ABI3BP: variants seen among roughly 807,000 people sequenced by gnomAD.
ABI3BP encodes ABI family member 3 binding protein.
In ABI3BP, 216 loss-of-function variants were observed where a neutral mutation model predicts 268.6. The ratio of observed to expected loss-of-function variants is 0.80; its 90% confidence interval spans 0.72 to 0.90. ABI3BP has a LOEUF of 0.90. ABI3BP is among the 40% of genes least tolerant of loss of function. ABI3BP has a pLI of 0.00. For missense variants in ABI3BP, 2,090 were observed against 2,182.4 expected (o/e 0.96, Z 0.84); for synonymous variants, 730 against 730.0 (o/e 1.00, Z 0.00).
intron 1 of ABI3BP, among the ~76,000 whole-genome samples, chr3:100,981,989 G>A (rs1576334584): frequency 6.6e-6 from 1 of 152,186 alleles, no homozygotes; most frequent in Non-Finnish European, 1.5e-5. Flanking sequence ...AAGGAAAGAG[G>A]TTTAATTGAC....
At chr3:100,865,204 C>CT (rs2099037962) in intron 10 of ABI3BP, among the ~76,000 whole-genome samples, 1 of 152,064 alleles carries the variant, frequency 6.6e-6, no homozygotes, top group South Asian at 2.1e-4. Flanking sequence ...ATCACCAGGG[C>CT]TTAGCACAAT....
At chr3:100,966,684 A>G (rs2081417265) in intron 1 of ABI3BP, among the ~76,000 whole-genome samples, 1 of 152,258 alleles carries the variant, frequency 6.6e-6, no homozygotes, top group Non-Finnish European at 1.5e-5. Flanking sequence ...AATTTAAAAC[A>G]TGTAAAGATT....
chr3:100,775,452 C>T, intron 59 of ABI3BP, 117 bp from the exon 60 acceptor site: 3 of 1,363,136 alleles, frequency 2.2e-6, no homozygotes, highest in Non-Finnish European at 3.0e-6. Flanking sequence ...GCACTATAGA[C>T]CAGGCTTGGA....
chr3:100,821,812 A>T (rs2152675532), intron 38 of ABI3BP, among the ~76,000 whole-genome samples: 1 of 152,044 alleles, frequency 6.6e-6, no homozygotes, highest in Admixed American at 6.6e-5. Context: ...CATCTTGGCC[A>T]GGCTGGTCTT....
chr3:100,950,893 G>A (rs1165782603), intron 1 of ABI3BP, among the ~76,000 whole-genome samples: 4 of 151,688 alleles, frequency 2.6e-5, no homozygotes, highest in Non-Finnish European at 4.4e-5. Context: ...GTTTTATGGG[G>A]CTGAGGCCAC....
chr3:100,824,882 G>A lies in ABI3BP; in HGVS notation c.2722C>T (p.Pro908Ser), dbSNP rs1245811680. 3.3e-6 allele frequency: 5 copies of A among 1,535,996 alleles called. No homozygotes were observed. The highest frequency in any genetic ancestry group is 1.2e-5 in the South Asian group (1 of 84,036). The stretch of plus-strand genomic sequence containing the variant: ...CCAGGTTTGGTCTCAGGTGCCTGAG[G>A]GCTCGGTGTAGTTTTAGGTCTGGGA... The part of the protein sequence containing the change: ...PRPRPKTTPS[P>S]QAPETKPVPA... The change falls in exon 36 of 68, where the codon CCT (proline) becomes TCT (serine). Residue 908 changes from proline (P) to serine (S), a missense_variant. By Grantham distance (74) the Pro-to-Ser change is moderately conservative (BLOSUM62 -1). Coordinates refer to ENST00000471714, the MANE Select transcript of ABI3BP (RefSeq NM_001375547.2).
chr3:100,937,865 T>C (rs901040049), intron 1 of ABI3BP, among the ~76,000 whole-genome samples: 1 of 152,076 alleles, frequency 6.6e-6, no homozygotes. Flanking sequence ...AGTTTATGTA[T>C]TAAGCAGGGC....
chr3:100,787,741 A>T lies in ABI3BP; in HGVS notation c.4149T>A (p.Asn1383Lys). The part of the protein sequence containing the change: ...RPKPSGMPSG[N>K]GVGTGVKQAP... ...TGTGATTATTACCTGTTCCCACTCCATTCCCACTGGGCATCCCACTGGGTT... is the reference window on the plus strand; with the variant it reads ...TGTGATTATTACCTGTTCCCACTCCTTTCCCACTGGGCATCCCACTGGGTT... The change falls in exon 57 of 68, where the codon AAT becomes AAA. Residue 1383 changes from asparagine (N) to lysine (K), a missense_variant. By Grantham distance (94) the Asn-to-Lys change is moderately conservative (BLOSUM62 0). Transcript: ENST00000471714. 2.6e-6 allele frequency: 4 copies of T among 1,532,210 alleles called. No homozygotes were observed. Among genetic ancestry groups the T allele is most frequent in the Admixed American group, 2.0e-5 (1 of 50,416 alleles). The allele number at this position is 1,532,210 out of a possible 1,614,324, so 94.9% of individuals were successfully genotyped here.
At chr3:100,813,850 G>A (rs559378850) in intron 44 of ABI3BP, 115 bp from the exon 45 acceptor site, 15 of 878,358 alleles carry the variant, frequency 1.7e-5, no homozygotes, top group Admixed American at 4.2e-5. Flanking sequence ...TGAGGTTATG[G>A]AGAGCCATAC....
chr3:100,928,833 C>A (rs190957421), intron 1 of ABI3BP, among the ~76,000 whole-genome samples: 2 of 152,176 alleles, frequency 1.3e-5, no homozygotes, highest in East Asian at 1.9e-4. Flanking sequence ...TCACTGAGAA[C>A]TTTGTAACTA....
intron 1 of ABI3BP, among the ~76,000 whole-genome samples, chr3:100,927,982 A>G (rs1356550092): frequency 3.4e-5 from 5 of 145,994 alleles, no homozygotes; most frequent in African/African-American, 7.6e-5. Context: ...TCTCAGACTC[A>G]TCTGGCAACA....
chr3:100,835,754 T>C, intron 27 of ABI3BP, 94 bp from the exon 28 acceptor site: 2 of 1,016,724 alleles, frequency 2.0e-6, no homozygotes, highest in Non-Finnish European at 2.9e-6. Flanking sequence ...TTTAATGTTT[T>C]AAATACATTT....
At chr3:100,960,595 C>A (rs1350259153) in intron 1 of ABI3BP, among the ~76,000 whole-genome samples, 1 of 152,178 alleles carries the variant, frequency 6.6e-6, no homozygotes, top group Non-Finnish European at 1.5e-5. Flanking sequence ...CTAATCATGT[C>A]TCCTTAAAAG....
intron 1 of ABI3BP, among the ~76,000 whole-genome samples, chr3:100,963,894 A>G (rs1260808760): frequency 1.3e-5 from 2 of 152,180 alleles, no homozygotes; most frequent in Non-Finnish European, 2.9e-5. Context: ...TTGACTCAAG[A>G]GTTCCTTTCT....
chr3:100,958,523 T>G (rs1051823299), intron 1 of ABI3BP, among the ~76,000 whole-genome samples: 4 of 152,204 alleles, frequency 2.6e-5, no homozygotes, highest in Non-Finnish European at 5.9e-5. Context: ...CAGGAGTATA[T>G]TATGAAAGTG....
At chr3:100,905,025 T>C (rs1298073700) in intron 2 of ABI3BP, among the ~76,000 whole-genome samples, 2 of 152,182 alleles carry the variant, frequency 1.3e-5, no homozygotes, top group Non-Finnish European at 2.9e-5. Flanking sequence ...TGTCCAACAA[T>C]GATAGACTGG....
intron 62 of ABI3BP, among the ~76,000 whole-genome samples, chr3:100,767,018 T>G (rs1408980206): frequency 6.6e-6 from 1 of 152,120 alleles, no homozygotes; most frequent in Non-Finnish European, 1.5e-5. Context: ...GGGAGGATTT[T>G]TTTTTGTTGG....
chr3:100,895,418 T>G (rs1242951992), intron 4 of ABI3BP, among the ~76,000 whole-genome samples: 1 of 152,096 alleles, frequency 6.6e-6, no homozygotes, highest in African/African-American at 2.4e-5. Flanking sequence ...ACAAAAACAA[T>G]GAGGGTTTTC....
At chr3:100,939,128 T>C (rs2067664596) in intron 1 of ABI3BP, among the ~76,000 whole-genome samples, 1 of 152,082 alleles carries the variant, frequency 6.6e-6, no homozygotes, top group South Asian at 2.1e-4. Flanking sequence ...AATCCCAGAT[T>C]CTCCATCACT....
Sources: gnomAD v4.1 joint callset for allele counts (sites outside exome capture counted in the v4.1 genomes callset) on GRCh38, gnomAD v4.1.1 for gene constraint, MANE v1.5 for transcripts, NCBI Gene and HGNC (gene_info 2026-07-23, HGNC 2026-07-21) for gene names.